The following SLC25A30 variants were observed in gnomAD, a reference collection of about 807,000 sequenced individuals.
The protein encoded by SLC25A30 is kidney mitochondrial carrier protein 1.
A neutral mutation model predicts 42.7 loss-of-function variants in SLC25A30; 29 were observed. The observed-to-expected ratio is 0.68, with a 90% confidence interval of 0.51 to 0.93. The LOEUF is 0.93. Among genes scored for constraint, SLC25A30 ranks in the 40% least tolerant of loss-of-function variants. The pLI is 0.00. For synonymous variants in SLC25A30, 124 were observed against 131.0 expected (o/e 0.95, Z 0.37); for missense variants, 300 against 359.7 (o/e 0.83, Z 1.34).
chr13:45,429,853 A>C, the SLC25A30 span, among the ~76,000 whole-genome samples: 1 of 151,912 alleles, frequency 6.6e-6, no homozygotes. Flanking sequence ...AAAAACAAAA[A>C]CAAAAAAACA....
In SLC25A30 at chr13:45,397,620, C is replaced by T. The variant is rs535436414; in HGVS notation, c.754-282G>A. On this transcript the variant is annotated intron_variant, in intron 8 of 9. Coordinates refer to ENST00000519676, the MANE Select transcript of SLC25A30 (RefSeq NM_001010875.4). The stretch of plus-strand genomic sequence containing the variant: ...CTGAGGCAGGAGAATGGCATGAACC[C>T]GGGAGGCGGAGCTTGCAGTGAGCCA... 2.3e-4 allele frequency: 56 copies of T among 242,788 alleles called. No homozygotes were observed. The East Asian group carries it at 3.7e-3, about 16-fold the overall frequency. 15.0% of individuals were successfully genotyped at this position (242,788 alleles called of 1,614,324 possible). A position where few individuals can be genotyped will look rare whatever the true frequency, so the allele number is the denominator to read the frequency against.
At chr13:45,422,981 A>G (rs1483720624), upstream of SLC25A30, among the ~76,000 whole-genome samples, 2 of 152,224 alleles carry the variant, frequency 1.3e-5, no homozygotes, top group East Asian at 3.9e-4. Flanking sequence ...TTGTGCATCC[A>G]TGCTGCTATG....
the SLC25A30 span, among the ~76,000 whole-genome samples, chr13:45,429,667 CA>C: frequency 1.5e-4 from 23 of 150,746 alleles, 1 homozygote; most frequent in East Asian, 9.8e-4. Context: ...CCTGTCTCTA[CA>C]AAAAAAAATT....
At chr13:45,423,840 A>G in the SLC25A30 span, among the ~76,000 whole-genome samples, 2 of 74,884 alleles carry the variant, frequency 2.7e-5, no homozygotes, top group South Asian at 4.2e-4. Context: ...TTATATATAT[A>G]AATATGTAAA....
At chr13:45,425,730 T>TC in the SLC25A30 span, among the ~76,000 whole-genome samples, 4 of 141,408 alleles carry the variant, frequency 2.8e-5, no homozygotes, top group African/African-American at 1.0e-4. Flanking sequence ...TCTCGCTGTA[T>TC]CCCCCAGGCT....
chr13:45,425,236 A>G, the SLC25A30 span, among the ~76,000 whole-genome samples: 1 of 104,338 alleles, frequency 9.6e-6, no homozygotes, highest in African/African-American at 4.1e-5. Context: ...ATAAATATTT[A>G]TACATATATA....
At chr13:45,410,122 A>G (rs540862344) in intron 2 of SLC25A30, among the ~76,000 whole-genome samples, 2 of 152,226 alleles carry the variant, frequency 1.3e-5, no homozygotes, top group African/African-American at 2.4e-5. Context: ...CAGCTGCTCA[A>G]TCAGTGTTTG....
chr13:45,405,858 A>G, intron 4 of SLC25A30, 25 bp downstream of exon 4: 3 of 1,609,582 alleles, frequency 1.9e-6, no homozygotes, highest in Non-Finnish European at 2.6e-6. Context: ...TCCTGTCCAC[A>G]GTGGAAAACA....
At chr13:45,414,304 G>A (rs1009603094) in intron 1 of SLC25A30, among the ~76,000 whole-genome samples, 60 of 152,082 alleles carry the variant, frequency 3.9e-4, no homozygotes, top group African/African-American at 1.4e-3. Context: ...GAGAGCCGCA[G>A]TACATGGGCA....
chr13:45,402,129 G>C (rs973864019), intron 6 of SLC25A30, 146 bp downstream of exon 6: 1 of 459,914 alleles, frequency 2.2e-6, no homozygotes, highest in Admixed American at 4.0e-5. Context: ...GGGAAATAAA[G>C]AAAGATATTT....
rs932919555 is a variant in SLC25A30, at chr13:45,404,530, T to C, written c.308-118A>G. 40 of 740,418 alleles carry C rather than the reference T, an allele frequency of 5.4e-5. No individual in the cohort carries two copies. The African/African-American group carries it at 6.1e-4, about 11-fold the overall frequency. 45.9% of individuals were successfully genotyped at this position (740,418 alleles called of 1,614,324 possible). ...GTTCACCTTAAGATGTAAAAACATA[T>C]GCTTCAGGCCGGGCATGGTAGCTCA... is the stretch of plus-strand genomic sequence containing the variant. On this transcript the variant is annotated intron_variant, in intron 4 of 9. Transcript: ENST00000519676.
chr13:45,424,457 A>C, the SLC25A30 span, among the ~76,000 whole-genome samples: 6 of 77,312 alleles, frequency 7.8e-5, no homozygotes, highest in Non-Finnish European at 9.0e-5. Context: ...AAATATATAA[A>C]CATATAAAAA....
intron 4 of SLC25A30, among the ~76,000 whole-genome samples, chr13:45,404,919 G>A (rs1882358286): frequency 6.6e-6 from 1 of 152,140 alleles, no homozygotes; most frequent in Non-Finnish European, 1.5e-5. Context: ...ATATCTAAAT[G>A]TGATTTTATT....
intron 7 of SLC25A30, among the ~76,000 whole-genome samples, chr13:45,400,539 C>T (rs1881869223): frequency 6.6e-6 from 1 of 152,168 alleles, no homozygotes; most frequent in Non-Finnish European, 1.5e-5. Context: ...CTCTGTTGCC[C>T]AGGCTAGGGT....
At chr13:45,423,152 T>A (rs1883932827), upstream of SLC25A30, among the ~76,000 whole-genome samples, 1 of 152,008 alleles carries the variant, frequency 6.6e-6, no homozygotes, top group South Asian at 2.1e-4. Context: ...ATAAGCACAT[T>A]TGGAGAGTCT....
At chr13:45,411,701 T>C (rs1428843450) in intron 1 of SLC25A30, 1 of 448,342 alleles carries the variant, frequency 2.2e-6, no homozygotes, top group African/African-American at 2.0e-5. Flanking sequence ...ATTTTTACTG[T>C]GACCTCAAGA....
intron 1 of SLC25A30, among the ~76,000 whole-genome samples, chr13:45,416,202 G>A (rs182834784): frequency 2.6e-5 from 4 of 151,580 alleles, no homozygotes; most frequent in African/African-American, 9.6e-5. Context: ...GACGTCAGGA[G>A]TTCGAGACCA....
At chr13:45,429,028 G>GGT in the SLC25A30 span, among the ~76,000 whole-genome samples, 1 of 138,546 alleles carries the variant, frequency 7.2e-6, no homozygotes, top group Non-Finnish European at 1.5e-5. Context: ...GCAATGGGAA[G>GGT]AATTGAAAAG....
chr13:45,397,207 G>T, intron 9 of SLC25A30, 51 bp downstream of exon 9: 2 of 1,176,122 alleles, frequency 1.7e-6, no homozygotes, highest in Non-Finnish European at 2.5e-6. Context: ...TATACAAATA[G>T]TATTCTTTAG....
Sources: gnomAD v4.1 joint callset for allele counts (sites outside exome capture counted in the v4.1 genomes callset) on GRCh38, gnomAD v4.1.1 for gene constraint, MANE v1.5 for transcripts, NCBI Gene and HGNC (gene_info 2026-07-23, HGNC 2026-07-21) for gene names.